FAM174A: variants seen among roughly 807,000 people sequenced by gnomAD.
The protein encoded by FAM174A is family with sequence similarity 174 member A.
A neutral mutation model predicts 14.3 loss-of-function variants in FAM174A; 14 were observed. That is an observed-to-expected ratio of 0.98 (90% CI 0.65 to 1.53). The LOEUF (loss-of-function observed/expected upper bound fraction) is 1.53. Ranked by LOEUF, FAM174A falls within the 40% of genes most tolerant of loss-of-function variation. FAM174A has a pLI of 0.00. For missense variants in FAM174A, 241 were observed against 249.6 expected, an observed-to-expected ratio of 0.97 and a Z score of 0.23; for synonymous variants, 108 against 111.4, an observed-to-expected ratio of 0.97 and a Z score of 0.19.
At chr5:100,582,784 G>C (rs1434335641) in intron 2 of FAM174A, among the ~76,000 whole-genome samples, 1 of 152,064 alleles carries the variant, frequency 6.6e-6, no homozygotes, top group Admixed American at 6.6e-5. Flanking sequence ...ATACCTAGTA[G>C]CTTGTAGCTT....
chr5:100,551,562 T>C (rs917563809), intron 1 of FAM174A, among the ~76,000 whole-genome samples: 2 of 152,188 alleles, frequency 1.3e-5, no homozygotes, highest in Non-Finnish European at 2.9e-5. Context: ...TTAATTTCCC[T>C]TTCCTCTCTC....
chr5:100,568,091 T>C (rs1020739529), intron 2 of FAM174A, among the ~76,000 whole-genome samples: 4 of 152,004 alleles, frequency 2.6e-5, no homozygotes, highest in African/African-American at 4.8e-5. Context: ...GCATTGACAT[T>C]CTCCTATAAG....
chr5:100,585,210 T>C (rs1747103922), intron 2 of FAM174A, among the ~76,000 whole-genome samples: 1 of 152,214 alleles, frequency 6.6e-6, no homozygotes, highest in African/African-American at 2.4e-5. Context: ...TCTACAGTTA[T>C]GATTTAATAC....
chr5:100,559,015 G>A (rs1269579477), intron 1 of FAM174A, among the ~76,000 whole-genome samples: 1 of 152,206 alleles, frequency 6.6e-6, no homozygotes, highest in South Asian at 2.1e-4. Context: ...CTTAGTTGAT[G>A]CACTTTCTTC....
chr5:100,577,636 T>C (rs1746928502), intron 2 of FAM174A, among the ~76,000 whole-genome samples: 1 of 152,128 alleles, frequency 6.6e-6, no homozygotes, highest in Non-Finnish European at 1.5e-5. Flanking sequence ...TTGTTGGGTA[T>C]AACATAGTAT....
intron 2 of FAM174A, chr5:100,581,275 A>G (rs931004373): frequency 1.1e-5 from 7 of 649,268 alleles, no homozygotes; most frequent in East Asian, 1.4e-4. Context: ...TACAACTTCT[A>G]TATCACCTCT....
At chr5:100,555,291 G>A (rs1428980772) in intron 1 of FAM174A, among the ~76,000 whole-genome samples, 8 of 151,848 alleles carry the variant, frequency 5.3e-5, no homozygotes, top group African/African-American at 1.9e-4. Flanking sequence ...GTATTCCATG[G>A]TGTATATGTG....
At chr5:100,582,781 G>T (rs533022306) in intron 2 of FAM174A, among the ~76,000 whole-genome samples, 2 of 152,172 alleles carry the variant, frequency 1.3e-5, no homozygotes, top group East Asian at 3.9e-4. Context: ...ATTATACCTA[G>T]TAGCTTGTAG....
intron 2 of FAM174A, among the ~76,000 whole-genome samples, chr5:100,566,141 G>GATATATATATATATATATATATAT (rs60895683): frequency 2.4e-5 from 2 of 81,802 alleles, no homozygotes; most frequent in Non-Finnish European, 4.9e-5. Flanking sequence ...TGAAAAGTAT[G>GATATATATATATATATATATATAT]ATATATATAT....
rs117135001 is a variant in FAM174A at position 100,557,220 on chromosome 5, G to A, written c.435-4834G>A. Among the ~76,000 whole-genome samples the A allele has an allele frequency of 2.7e-3, 402 of 150,788 alleles. 9 individuals carry two copies. The East Asian group carries it at 0.066, about 25-fold the overall frequency. Reference sequence around the variant, plus strand: ...GATAATCATGTGGTTTCTGTCATTGGTACATGTTGGATTAAGTTTATTGAT... The same window carrying A: ...GATAATCATGTGGTTTCTGTCATTGATACATGTTGGATTAAGTTTATTGAT... On this transcript the variant is annotated intron_variant, in intron 1 of 2. Coordinates refer to ENST00000312637, the MANE Select transcript of FAM174A (RefSeq NM_198507.3).
At chr5:100,539,530 T>C (rs180916087) in intron 1 of FAM174A, among the ~76,000 whole-genome samples, 3 of 152,314 alleles carry the variant, frequency 2.0e-5, no homozygotes, top group African/African-American at 7.2e-5. Flanking sequence ...TAATAGCTGA[T>C]AGTTAATTGA....
At chr5:100,564,828 G>A (rs1015430596) in intron 2 of FAM174A, among the ~76,000 whole-genome samples, 3 of 151,788 alleles carry the variant, frequency 2.0e-5, no homozygotes, top group Non-Finnish European at 4.4e-5. Context: ...GAATCAAAAA[G>A]AAATTCGAAG....
chr5:100,568,128 A>G lies in FAM174A; in HGVS notation c.569+5940A>G, dbSNP rs148503168. ...AAAAACCTTCCCTTCTTCCTTGTCT[A>G]TCTATCATCAATATGTAATGATGAT... On this transcript the variant is annotated intron_variant, in intron 2 of 2. Coordinates refer to ENST00000312637, the MANE Select transcript of FAM174A (RefSeq NM_198507.3). Among the ~76,000 whole-genome samples, 47 of 152,032 alleles carry G rather than the reference A, an allele frequency of 3.1e-4. No individual in the cohort carries two copies. In the East Asian group the frequency reaches 8.7e-3, roughly 28 times the overall value.
chr5:100,583,594 C>T (rs1747061557), intron 2 of FAM174A, among the ~76,000 whole-genome samples: 1 of 151,988 alleles, frequency 6.6e-6, no homozygotes, highest in Non-Finnish European at 1.5e-5. Context: ...TCAGTTAGCT[C>T]TTGAATTACT....
At chr5:100,577,388 T>C (rs1746923726) in intron 2 of FAM174A, among the ~76,000 whole-genome samples, 1 of 152,134 alleles carries the variant, frequency 6.6e-6, no homozygotes. Flanking sequence ...AATTTGCTTT[T>C]TGGCTACTGC....
At position 100,535,751 on chromosome 5, in the gene FAM174A, C is replaced by A. The variant is rs757890212; in HGVS notation, c.221C>A (p.Ala74Glu). The A allele has an allele frequency of 7.5e-6, 12 of 1,603,100 alleles. No individual in the cohort carries two copies. The highest frequency in any genetic ancestry group is 9.3e-6 in the Non-Finnish European group (11 of 1,177,220). The change falls in exon 1 of 3, where the codon GCG becomes GAG. Residue 74 changes from alanine to glutamate, a missense_variant. Physicochemically the swap from Ala to Glu is moderately radical, Grantham distance 107 (BLOSUM62 -1). Transcript: ENST00000312637. ...QQPGRGLAEA[A>E]GPRGSEGGNG... The stretch of plus-strand genomic sequence containing the variant: ...CCGGGCCGTGGTCTGGCTGAAGCTG[C>A]GGGGCCGCGGGGCTCCGAGGGAGGC...
chr5:100,574,253 A>G (rs1233464480), intron 2 of FAM174A, among the ~76,000 whole-genome samples: 1 of 152,234 alleles, frequency 6.6e-6, no homozygotes, highest in African/African-American at 2.4e-5. Context: ...CAGTGGCACT[A>G]TCTCGGCTCA....
intron 1 of FAM174A, among the ~76,000 whole-genome samples, chr5:100,557,475 C>A (rs923942606): frequency 6.6e-6 from 1 of 152,166 alleles, no homozygotes; most frequent in African/African-American, 2.4e-5. Flanking sequence ...AGGATTCCCT[C>A]TTTTTCTATT....
At chr5:100,565,078 A>G (rs891377420) in intron 2 of FAM174A, among the ~76,000 whole-genome samples, 1 of 144,220 alleles carries the variant, frequency 6.9e-6, no homozygotes, top group African/African-American at 2.6e-5. Context: ...CCGCAGGCCA[A>G]TACTCCTGAT....
Sources: allele counts gnomAD v4.1 joint callset (sites outside exome capture counted in the v4.1 genomes callset), GRCh38; gene constraint gnomAD v4.1.1; transcripts MANE v1.5; gene names NCBI Gene and HGNC (gene_info 2026-07-23, HGNC 2026-07-21).